Variants in SIPA1L2 observed in about 807,000 individuals in gnomAD.
The protein encoded by SIPA1L2 is signal-induced proliferation-associated 1-like protein 2.
A neutral mutation model predicts 163.9 loss-of-function variants in SIPA1L2; 56 were observed. The ratio of observed to expected loss-of-function variants is 0.34; its 90% CI spans 0.28 to 0.43. SIPA1L2 has a LOEUF of 0.43. Among genes scored for constraint, SIPA1L2 ranks in the 20% least tolerant of loss-of-function variants. SIPA1L2 has a pLI of 1.00. For synonymous variants in SIPA1L2, 877 were observed against 865.7 expected, an observed-to-expected ratio of 1.01 and a Z score of -0.23; for missense variants, 1,974 against 2,193.5, an observed-to-expected ratio of 0.90 and a Z score of 2.00.
Position 232,399,003 on chromosome 1 carries a change from C to T in SIPA1L2, c.*124G>A. On this transcript the variant is annotated 3_prime_UTR_variant, in exon 23 of 23. Coordinates refer to ENST00000674635, the MANE Select transcript of SIPA1L2 (RefSeq NM_020808.5). The stretch of plus-strand genomic sequence containing the variant: ...CCCTATCCTGCTGTGGTGAATGGTG[C>T]TACACAGAATGGAACAGCAAAAACA... 1 of 1,353,790 alleles carries T rather than the reference C, an allele frequency of 7.4e-7. No individual in the cohort carries two copies. The highest frequency in any genetic ancestry group is 1.0e-6 in the Non-Finnish European group (1 of 987,684). The allele number at this position is 1,353,790 out of a possible 1,614,324, so 83.9% of individuals were successfully genotyped here. A position where few individuals can be genotyped will look rare whatever the true frequency, so the allele number is the denominator to read the frequency against.
intron 10 of SIPA1L2, among the ~76,000 whole-genome samples, chr1:232,458,049 G>A (rs570728339): frequency 1.3e-5 from 2 of 152,312 alleles, no homozygotes; most frequent in South Asian, 4.1e-4. Flanking sequence ...AAGCCTTCAT[G>A]ACCTGCAGAA....
intron 14 of SIPA1L2, 110 bp downstream of exon 14, chr1:232,441,181 T>C: frequency 1.3e-6 from 1 of 751,886 alleles, no homozygotes; most frequent in East Asian, 3.0e-5. Context: ...CTAAGAGCCC[T>C]GTGAGGTAAT....
intron 16 of SIPA1L2, among the ~76,000 whole-genome samples, chr1:232,429,760 A>G (rs1662117721): frequency 6.6e-6 from 1 of 152,210 alleles, no homozygotes; most frequent in Admixed American, 6.5e-5. Context: ...GGAAAACAAA[A>G]CAATATAGTT....
At chr1:232,404,373 G>A (rs748995023) in intron 19 of SIPA1L2, among the ~76,000 whole-genome samples, 195 bp from the exon 20 acceptor site, 11 of 152,102 alleles carry the variant, frequency 7.2e-5, no homozygotes, top group Non-Finnish European at 1.5e-4. Context: ...GGTTGGAAGC[G>A]GGGCTGTAGG....
At chr1:232,512,533 G>A (rs1187762430) in intron 3 of SIPA1L2, among the ~76,000 whole-genome samples, 1 of 152,120 alleles carries the variant, frequency 6.6e-6, no homozygotes, top group Non-Finnish European at 1.5e-5. Flanking sequence ...TGGATACTAT[G>A]TAGCCATAAA....
intron 2 of SIPA1L2, among the ~76,000 whole-genome samples, chr1:232,541,193 A>G (rs1361414470): frequency 6.6e-6 from 1 of 152,122 alleles, no homozygotes; most frequent in Non-Finnish European, 1.5e-5. Context: ...CCACTATGGC[A>G]CACGTTTACC....
chr1:232,438,956 A>G, intron 15 of SIPA1L2, 152 bp downstream of exon 15: 2 of 694,792 alleles, frequency 2.9e-6, no homozygotes, highest in Non-Finnish European at 2.2e-6. Flanking sequence ...TATTGTAGAA[A>G]CAAGCCCTTC....
intron 6 of SIPA1L2, among the ~76,000 whole-genome samples, chr1:232,481,290 A>G (rs989278544): frequency 6.6e-6 from 1 of 152,212 alleles, no homozygotes; most frequent in Admixed American, 6.5e-5. Flanking sequence ...ATGCTCCTTC[A>G]ATGAATAATG....
At chr1:232,570,425 G>C (rs918756649) in intron 2 of SIPA1L2, among the ~76,000 whole-genome samples, 3 of 152,166 alleles carry the variant, frequency 2.0e-5, no homozygotes, top group Admixed American at 1.3e-4. Context: ...AAAATCTGTA[G>C]ATTTTAAACA....
chr1:232,517,043 A>C (rs1047975922), intron 2 of SIPA1L2, among the ~76,000 whole-genome samples: 2 of 152,220 alleles, frequency 1.3e-5, no homozygotes, highest in Non-Finnish European at 2.9e-5. Context: ...ACATACGGGT[A>C]AATTGCAGTG....
intron 2 of SIPA1L2, among the ~76,000 whole-genome samples, chr1:232,572,781 T>TATATA (rs1558277988): frequency 2.6e-4 from 13 of 50,408 alleles, no homozygotes; most frequent in Admixed American, 4.7e-4. Flanking sequence ...ATATATATAT[T>TATATA]TATTTATTTA....
chr1:232,570,845 GA>G (rs1017291413), intron 2 of SIPA1L2, among the ~76,000 whole-genome samples: 3 of 143,766 alleles, frequency 2.1e-5, no homozygotes, highest in East Asian at 2.0e-4. Context: ...CAAAAATAAA[GA>G]AAAAAAGCAT....
At chr1:232,527,325 C>G (rs796416380) in intron 2 of SIPA1L2, among the ~76,000 whole-genome samples, 4 of 152,134 alleles carry the variant, frequency 2.6e-5, no homozygotes, top group African/African-American at 9.7e-5. Context: ...AACAAAGTTT[C>G]CTGGAAACTC....
intron 18 of SIPA1L2, 138 bp downstream of exon 18, chr1:232,425,451 A>T: frequency 3.2e-6 from 2 of 623,624 alleles, no homozygotes; most frequent in African/African-American, 1.9e-5. Flanking sequence ...AAAATTATTT[A>T]AAACACCAAA....
rs767210331 is a variant in SIPA1L2 at position 232,425,644 on chromosome 1, G to A, written c.4575C>T (p.Tyr1525=). The A allele has an allele frequency of 6.2e-7, 1 of 1,612,808 alleles. No homozygotes were observed. Among genetic ancestry groups the A allele is most frequent in the Non-Finnish European group, 8.5e-7 (1 of 1,179,640 alleles). ...GGGCCCGCGGAGGCAGCGTGCTGTG[G>A]TAGGGTGGGGTGGTGCTGAACAGAA... The part of the protein sequence containing the change: ...NDILFSTTPP[Y]HSTLPPRAHP... Residue 1525 remains tyrosine, a synonymous_variant, in exon 18 of 23, where the codon TAC becomes TAT. Coordinates refer to ENST00000674635, the MANE Select transcript of SIPA1L2 (RefSeq NM_020808.5).
chr1:232,432,896 C>T (rs1315502536), intron 15 of SIPA1L2, among the ~76,000 whole-genome samples: 2 of 152,178 alleles, frequency 1.3e-5, no homozygotes, highest in African/African-American at 4.8e-5. Context: ...ATGGGAATGC[C>T]TGACAATACC....
chr1:232,608,898 A>G (rs903173618), intron 1 of SIPA1L2, among the ~76,000 whole-genome samples: 2 of 152,158 alleles, frequency 1.3e-5, no homozygotes, highest in Admixed American at 1.3e-4. Context: ...AGGGTTCACA[A>G]TCTAGCTACT....
intron 18 of SIPA1L2, among the ~76,000 whole-genome samples, chr1:232,417,778 C>T (rs577840129): frequency 3.8e-4 from 58 of 152,248 alleles, no homozygotes; most frequent in African/African-American, 1.3e-3. Flanking sequence ...TTTTCTGCAC[C>T]GAGTGTAAAG....
In SIPA1L2 at chr1:232,397,978, CT is replaced by C. The variant is rs1660123008; in HGVS notation, c.*1148del. On this transcript the variant is annotated 3_prime_UTR_variant, in exon 23 of 23. Transcript: ENST00000674635. ...CTGACAACACCATTTCTTATGTGGA[CT>C]TCTTTTAAACATTTATTAAAAAAGC... 1 of 152,634 alleles carries C rather than the reference CT, an allele frequency of 6.6e-6. No individual in the cohort carries two copies. The highest frequency in any genetic ancestry group is 2.4e-5 in the African/African-American group (1 of 41,450). 9.5% of individuals were successfully genotyped at this position (152,634 alleles called of 1,614,324 possible).
Sources: allele counts gnomAD v4.1 joint callset (sites outside exome capture counted in the v4.1 genomes callset), GRCh38; gene constraint gnomAD v4.1.1; transcripts MANE v1.5; gene names NCBI Gene and HGNC (gene_info 2026-07-23, HGNC 2026-07-21).